ZNF215: variants seen among roughly 807,000 people sequenced by gnomAD.
ZNF215 encodes the protein BWSCR2-associated zinc finger protein 2.
In ZNF215, 24 loss-of-function variants were observed where a neutral mutation model predicts 27.2. That is an observed-to-expected ratio of 0.88 (90% confidence interval 0.64 to 1.24). The LOEUF is 1.24. Among genes scored for constraint, ZNF215 ranks in the 50% most tolerant of loss-of-function variants. The probability of loss-of-function intolerance (pLI) is 0.00; values close to 1 mark genes in which losing one functional copy is unlikely to be tolerated. For synonymous variants in ZNF215, 210 were observed against 204.0 expected, an observed-to-expected ratio of 1.03 and a Z score of -0.25; for missense variants, 675 against 605.7, an observed-to-expected ratio of 1.11 and a Z score of -1.20.
downstream of ZNF215, among the ~76,000 whole-genome samples, chr11:6,959,677 C>T (rs1564969091): frequency 6.6e-6 from 1 of 152,282 alleles, no homozygotes; most frequent in East Asian, 1.9e-4. Context: ...TGAGTCTCCA[C>T]ACATTAAACT....
At chr11:6,990,755 C>G (rs1174165946), downstream of ZNF215, among the ~76,000 whole-genome samples, 2 of 152,224 alleles carry the variant, frequency 1.3e-5, no homozygotes. Context: ...CACACACACA[C>G]ACGCGCACAT....
intron 6 of ZNF215, among the ~76,000 whole-genome samples, chr11:6,994,207 T>TA (rs1851152306): frequency 2.0e-5 from 2 of 98,046 alleles, no homozygotes; most frequent in Non-Finnish European, 4.6e-5. Flanking sequence ...ATATTATATA[T>TA]TAATACCATT....
At chr11:6,979,297 C>G (rs557660907) in intron 5 of ZNF215, among the ~76,000 whole-genome samples, 1 of 147,390 alleles carries the variant, frequency 6.8e-6, no homozygotes, top group South Asian at 2.2e-4. Context: ...CTTCTGCTAG[C>G]AAATTTTACA....
In ZNF215 at chr11:6,957,268, T is replaced by C; in HGVS notation, c.*737T>C. 1.2e-6 allele frequency: 1 copy of C among 867,588 alleles called. No homozygotes were observed. Among genetic ancestry groups the C allele is most frequent in the Non-Finnish European group, 1.4e-6 (1 of 722,620 alleles). 53.7% of individuals were successfully genotyped at this position (867,588 alleles called of 1,614,324 possible). A position where few individuals can be genotyped will look rare whatever the true frequency, so the allele number is the denominator to read the frequency against. Reference sequence around the variant, plus strand: ...AATATCGATTCCCAGCCAGGGACACTGTGTGGAGTTCGCACACTCTCCCTA... The same window carrying C: ...AATATCGATTCCCAGCCAGGGACACCGTGTGGAGTTCGCACACTCTCCCTA... On this transcript the variant is annotated 3_prime_UTR_variant, in exon 7 of 7. Coordinates refer to ENST00000278319, the MANE Select transcript of ZNF215 (RefSeq NM_013250.4).
intron 6 of ZNF215, among the ~76,000 whole-genome samples, chr11:6,946,995 G>C (rs1849836611): frequency 6.6e-6 from 1 of 152,180 alleles, no homozygotes; most frequent in East Asian, 1.9e-4. Context: ...TTTAAATTCT[G>C]TGGATCACAG....
At chr11:6,975,222 C>G (rs1850805873) in intron 5 of ZNF215, among the ~76,000 whole-genome samples, 2 of 152,070 alleles carry the variant, frequency 1.3e-5, no homozygotes, top group South Asian at 4.1e-4. Context: ...GTTGAACCAG[C>G]CTTGCTTCCC....
At chr11:6,946,633 G>A (rs1849824305) in intron 6 of ZNF215, among the ~76,000 whole-genome samples, 1 of 152,092 alleles carries the variant, frequency 6.6e-6, no homozygotes, top group Non-Finnish European at 1.5e-5. Flanking sequence ...TCAAATAAGT[G>A]CACATTTCCT....
At chr11:6,954,824 C>T (rs956742845) in intron 6 of ZNF215, among the ~76,000 whole-genome samples, 12 of 152,184 alleles carry the variant, frequency 7.9e-5, no homozygotes, top group Non-Finnish European at 1.5e-4. Context: ...CCGTCTTCTG[C>T]GTCACTCACG....
chr11:6,953,612 T>C (rs1240676266), intron 6 of ZNF215, among the ~76,000 whole-genome samples: 2 of 152,236 alleles, frequency 1.3e-5, no homozygotes, highest in Non-Finnish European at 2.9e-5. Context: ...TTCTCTGTAT[T>C]GGTTATTCTA....
intron 5 of ZNF215, among the ~76,000 whole-genome samples, chr11:6,972,514 ACT>A (rs1367122470): frequency 7.2e-5 from 11 of 151,918 alleles, no homozygotes; most frequent in Non-Finnish European, 1.2e-4. Flanking sequence ...AATACTGTAA[ACT>A]CTCCTACTAA....
chr11:6,944,063 C>A (rs2133226638), intron 6 of ZNF215, among the ~76,000 whole-genome samples: 1 of 152,258 alleles, frequency 6.6e-6, no homozygotes, highest in African/African-American at 2.4e-5. Context: ...ATCACAAGGT[C>A]AGGAGATCGA....
rs7119293 is a variant in ZNF215, at chr11:6,948,125, G to T, written c.712+4484G>T. ...AGAAGCAGAATAAACTCTACTTCAG[G>T]ATGGGGAGTGTGGCAAAGGATGTGC... On this transcript the variant is annotated intron_variant, in intron 6 of 6. Coordinates refer to ENST00000278319, the MANE Select transcript of ZNF215 (RefSeq NM_013250.4). Among the ~76,000 whole-genome samples the T allele has an allele frequency of 9.4e-3, 1,437 of 152,248 alleles. 26 individuals carry two copies. Among genetic ancestry groups the T allele is most frequent in the African/African-American group, 0.033 (1,367 of 41,554 alleles).
chr11:6,934,093 G>A (rs969917467), intron 3 of ZNF215, among the ~76,000 whole-genome samples: 1 of 152,162 alleles, frequency 6.6e-6, no homozygotes, highest in African/African-American at 2.4e-5. Flanking sequence ...TGGTATTGTG[G>A]TTATATTTAG....
chr11:6,940,783 A>G (rs570545933), intron 3 of ZNF215, among the ~76,000 whole-genome samples: 1 of 152,346 alleles, frequency 6.6e-6, no homozygotes, highest in South Asian at 2.1e-4. Context: ...CAGATTTGCC[A>G]ACTCTTTTTA....
chr11:6,956,587 A>T lies in ZNF215; in HGVS notation c.*56A>T. On this transcript the variant is annotated 3_prime_UTR_variant, in exon 7 of 7. Coordinates refer to ENST00000278319, the MANE Select transcript of ZNF215 (RefSeq NM_013250.4). ...CAGAATGCAGAACTCATTTAACATCATGAATTTATGCTGGATAAAATCTCA... is the reference window on the plus strand; with the variant it reads ...CAGAATGCAGAACTCATTTAACATCTTGAATTTATGCTGGATAAAATCTCA... 1 of 1,488,508 alleles carries T rather than the reference A, an allele frequency of 6.7e-7. No individual in the cohort carries two copies. Among genetic ancestry groups the T allele is most frequent in the Non-Finnish European group, 8.9e-7 (1 of 1,127,024 alleles). The allele number at this position is 1,488,508 out of a possible 1,614,324, so 92.2% of individuals were successfully genotyped here. A position where few individuals can be genotyped will look rare whatever the true frequency, so the allele number is the denominator to read the frequency against.
intron 6 of ZNF215, among the ~76,000 whole-genome samples, chr11:6,994,214 C>T (rs1026644997): frequency 2.9e-5 from 4 of 139,762 alleles, no homozygotes; most frequent in Non-Finnish European, 6.3e-5. Context: ...ATATTAATAC[C>T]ATTTAATACT....
intron 3 of ZNF215, among the ~76,000 whole-genome samples, chr11:6,938,548 A>T (rs1564948710): frequency 6.6e-6 from 1 of 152,094 alleles, no homozygotes; most frequent in Non-Finnish European, 1.5e-5. Flanking sequence ...TTTGCTATAT[A>T]CATACAGTGG....
chr11:6,949,823 A>G (rs561009197), intron 6 of ZNF215, among the ~76,000 whole-genome samples: 43 of 152,214 alleles, frequency 2.8e-4, no homozygotes, highest in African/African-American at 9.1e-4. Flanking sequence ...TATGTCCTGA[A>G]TGGTAATGCC....
At chr11:6,931,977 T>G (rs898788816) in intron 2 of ZNF215, 117 bp from the exon 3 acceptor site, 2 of 249,544 alleles carry the variant, frequency 8.0e-6, no homozygotes, top group Non-Finnish European at 1.5e-5. Flanking sequence ...GAAAGGAAAA[T>G]AAAAATAGGA....
Sources: allele counts gnomAD v4.1 joint callset (sites outside exome capture counted in the v4.1 genomes callset), GRCh38; gene constraint gnomAD v4.1.1; transcripts MANE v1.5; gene names NCBI Gene and HGNC (gene_info 2026-07-23, HGNC 2026-07-21).